The following CPQ variants were observed in gnomAD, a reference collection of about 807,000 sequenced individuals.
CPQ encodes carboxypeptidase Q, also known as Ser-Met dipeptidase.
Under a neutral mutation model 45.7 loss-of-function variants are expected in CPQ, and 37 were observed. The observed-to-expected ratio is 0.81, with a 90% CI of 0.62 to 1.07. The LOEUF is 1.07. Ranked by LOEUF, CPQ falls within the 50% of genes least tolerant of loss-of-function variation. CPQ has a pLI of 0.00. For missense variants in CPQ, 537 were observed against 572.9 expected (o/e 0.94, Z 0.64); for synonymous variants, 186 against 205.8 (o/e 0.90, Z 0.82).
At chr8:96,984,845 G>A (rs2130393914) in intron 5 of CPQ, among the ~76,000 whole-genome samples, 1 of 152,304 alleles carries the variant, frequency 6.6e-6, no homozygotes, top group Admixed American at 6.5e-5. Flanking sequence ...ACTGCTCAGT[G>A]AATTTCAGCT....
At chr8:96,706,191 T>TGA (rs1809528761) in intron 1 of CPQ, among the ~76,000 whole-genome samples, 1 of 152,182 alleles carries the variant, frequency 6.6e-6, no homozygotes, top group Non-Finnish European at 1.5e-5. Context: ...GACTACTTGA[T>TGA]TTTTCTTGAC....
chr8:97,111,020 T>TA (rs1011497564), intron 7 of CPQ, among the ~76,000 whole-genome samples: 2 of 152,168 alleles, frequency 1.3e-5, no homozygotes, highest in African/African-American at 4.8e-5. Context: ...TTTTCCAACA[T>TA]AAAAAATAGC....
At chr8:96,867,756 TA>T (rs1357608498) in intron 3 of CPQ, among the ~76,000 whole-genome samples, 1 of 152,084 alleles carries the variant, frequency 6.6e-6, no homozygotes, top group East Asian at 1.9e-4. Flanking sequence ...CTTGTGGCAT[TA>T]AATATTCTTC....
intron 1 of CPQ, among the ~76,000 whole-genome samples, chr8:96,676,185 C>T (rs1029785019): frequency 6.6e-6 from 1 of 151,854 alleles, no homozygotes; most frequent in South Asian, 2.1e-4. Context: ...ACTATGTCAC[C>T]TTACTATGCT....
intron 1 of CPQ, among the ~76,000 whole-genome samples, chr8:96,762,640 T>C (rs866890122): frequency 7.2e-5 from 11 of 152,150 alleles, no homozygotes; most frequent in Admixed American, 5.9e-4. Context: ...CCCAAGAAGC[T>C]CTGCTTATGT....
intron 1 of CPQ, among the ~76,000 whole-genome samples, chr8:96,709,194 C>T (rs955959262): frequency 6.6e-6 from 1 of 152,044 alleles, no homozygotes; most frequent in Non-Finnish European, 1.5e-5. Context: ...TCTAGTGTAC[C>T]TGTCCCTGGA....
At chr8:97,048,119 T>C (rs577265664) in intron 6 of CPQ, among the ~76,000 whole-genome samples, 33 of 152,282 alleles carry the variant, frequency 2.2e-4, no homozygotes, top group Non-Finnish European at 1.5e-4. Flanking sequence ...TCTCCAAGGA[T>C]AGAGATTTTA....
At chr8:96,983,068 C>G (rs892233172) in intron 5 of CPQ, among the ~76,000 whole-genome samples, 2 of 152,178 alleles carry the variant, frequency 1.3e-5, no homozygotes, top group Non-Finnish European at 2.9e-5. Flanking sequence ...TTCTACCTCT[C>G]CACAATCCAT....
At chr8:96,965,264 A>G (rs1024834738) in intron 4 of CPQ, among the ~76,000 whole-genome samples, 28 of 152,040 alleles carry the variant, frequency 1.8e-4, no homozygotes, top group African/African-American at 6.8e-4. Context: ...AGAATTTGGG[A>G]CAGTTACGAA....
At chr8:96,941,693 C>A (rs1813124887) in intron 4 of CPQ, among the ~76,000 whole-genome samples, 1 of 152,068 alleles carries the variant, frequency 6.6e-6, no homozygotes, top group Non-Finnish European at 1.5e-5. Flanking sequence ...GTCTCCTATT[C>A]CATCCTGCCA....
chr8:96,912,778 A>G (rs1423881510), intron 4 of CPQ, among the ~76,000 whole-genome samples: 1 of 152,170 alleles, frequency 6.6e-6, no homozygotes. Flanking sequence ...ATAGTCTCAG[A>G]GATCAAATCT....
intron 2 of CPQ, among the ~76,000 whole-genome samples, chr8:96,804,623 G>T: frequency 6.7e-6 from 1 of 149,920 alleles, no homozygotes; most frequent in Admixed American, 6.7e-5. Flanking sequence ...ATACTCTTTT[G>T]GTCACATAGG....
Position 96,898,864 on chromosome 8 carries a change from G to A in CPQ, c.849+18859G>A, listed in dbSNP as rs528716284. On this transcript the variant is annotated intron_variant, in intron 4 of 7. Coordinates refer to ENST00000220763, the MANE Select transcript of CPQ (RefSeq NM_016134.4). Reference sequence around the variant, plus strand: ...TGGCGAAATGTAAAGGGAGTAAAAAGGGTGGTAGTCTATAAAGGAACTAGC... The same window carrying A: ...TGGCGAAATGTAAAGGGAGTAAAAAAGGTGGTAGTCTATAAAGGAACTAGC... Among the ~76,000 whole-genome samples the A allele has an allele frequency of 6.0e-5, 9 of 151,006 alleles. No individual in the cohort carries two copies. The East Asian group carries it at 1.8e-3, about 29-fold the overall frequency.
At chr8:97,089,227 G>A (rs188620961) in intron 7 of CPQ, among the ~76,000 whole-genome samples, 260 of 118,060 alleles carry the variant, frequency 2.2e-3, no homozygotes, top group Middle Eastern at 0.014. Context: ...TGGGCAACAA[G>A]AGCAAAGCTC....
intron 7 of CPQ, among the ~76,000 whole-genome samples, chr8:97,077,962 T>C (rs1226552095): frequency 6.6e-6 from 1 of 152,220 alleles, no homozygotes; most frequent in East Asian, 1.9e-4. Flanking sequence ...GAAGGTAGGA[T>C]AAATGCCTCA....
intron 3 of CPQ, among the ~76,000 whole-genome samples, chr8:96,847,777 G>A (rs1811715856): frequency 6.7e-6 from 1 of 150,080 alleles, no homozygotes; most frequent in Admixed American, 6.6e-5. Context: ...TAAAATAAGT[G>A]AGCAAAATCT....
chr8:97,038,825 C>CAAAAAAAAAAA (rs35739621), intron 6 of CPQ, among the ~76,000 whole-genome samples: 4 of 91,872 alleles, frequency 4.4e-5, no homozygotes, highest in Admixed American at 1.3e-4. Context: ...ACCGTATTTA[C>CAAAAAAAAAAA]AAAAAAAAAA....
chr8:96,820,767 T>A (rs1811291043), intron 2 of CPQ, among the ~76,000 whole-genome samples: 1 of 152,080 alleles, frequency 6.6e-6, no homozygotes, highest in Non-Finnish European at 1.5e-5. Flanking sequence ...AGTGCTGAAA[T>A]AAACACGGGA....
intron 3 of CPQ, among the ~76,000 whole-genome samples, chr8:96,843,984 G>C (rs1563511212): frequency 6.6e-6 from 1 of 151,930 alleles, no homozygotes; most frequent in Non-Finnish European, 1.5e-5. Flanking sequence ...ATTTATTCTT[G>C]GCTGCTATTT....
Sources: gnomAD v4.1 joint callset for allele counts (sites outside exome capture counted in the v4.1 genomes callset) on GRCh38, gnomAD v4.1.1 for gene constraint, MANE v1.5 for transcripts, NCBI Gene and HGNC (gene_info 2026-07-23, HGNC 2026-07-21) for gene names.